COL13A1: variants seen among roughly 807,000 people sequenced by gnomAD.
COL13A1 encodes collagen type XIII alpha 1 chain, also known as collagen alpha-1(XIII) chain.
A neutral mutation model predicts 130.9 loss-of-function variants in COL13A1; 89 were observed. That is an observed-to-expected ratio of 0.68 (90% CI 0.57 to 0.81). The LOEUF is 0.81. Among genes scored for constraint, COL13A1 ranks in the 30% least tolerant of loss-of-function variants. COL13A1 has a pLI of 0.00. For synonymous variants in COL13A1, 402 were observed against 341.6 expected (o/e 1.18, Z -1.95); for missense variants, 879 against 934.6 (o/e 0.94, Z 0.78).
At chr10:69,809,462 G>A (rs1842406107) in intron 1 of COL13A1, among the ~76,000 whole-genome samples, 1 of 152,192 alleles carries the variant, frequency 6.6e-6, no homozygotes, top group Admixed American at 6.5e-5. Context: ...CTATGAAGTG[G>A]TTACTATTGT....
At chr10:69,905,061 A>ATCCC in intron 16 of COL13A1, 102 bp downstream of exon 16, 4 of 1,308,700 alleles carry the variant, frequency 3.1e-6, no homozygotes, top group Non-Finnish European at 4.2e-6. Context: ...GCAGAGAGGG[A>ATCCC]TCTCAGCTGA....
chr10:69,819,001 C>A (rs1845345928), intron 1 of COL13A1, among the ~76,000 whole-genome samples: 1 of 152,342 alleles, frequency 6.6e-6, no homozygotes, highest in Admixed American at 6.5e-5. Flanking sequence ...TCTACAGTCA[C>A]CTGCACACAT....
rs1333949808 is a variant in COL13A1 at position 69,934,155 on chromosome 10, AATTCTTTTT to A, written c.1729-1182_1729-1174del. 3.9e-5 allele frequency among the ~76,000 whole-genome samples: 6 copies of A among 152,184 alleles called. No individual in the cohort carries two copies. The East Asian group carries it at 5.8e-4, about 15-fold the overall frequency. ...TTTTCTCTTTAAAGAAAATTTTAAA[AATTCTTTTT>A]ATTCTTTTTATTATTTTTAAAATTA... On this transcript the variant is annotated intron_variant, in intron 31 of 40. Transcript: ENST00000645393.
chr10:69,868,125 A>G (rs1430531040), intron 3 of COL13A1, among the ~76,000 whole-genome samples: 10 of 149,330 alleles, frequency 6.7e-5, no homozygotes, highest in African/African-American at 2.4e-4. Flanking sequence ...GAGTCAAAAA[A>G]AAAAAAAAAA....
intron 2 of COL13A1, among the ~76,000 whole-genome samples, chr10:69,832,707 G>A (rs763581455): frequency 1.4e-4 from 21 of 152,192 alleles, no homozygotes; most frequent in Non-Finnish European, 2.8e-4. Flanking sequence ...ACTTGCTGGT[G>A]ATACTTAGTG....
At position 69,880,191 on chromosome 10, in the gene COL13A1, G is replaced by A. The variant is rs370186897; in HGVS notation, c.463-312G>A. Among the ~76,000 whole-genome samples, 11 of 152,120 alleles carry A rather than the reference G, an allele frequency of 7.2e-5. No individual in the cohort carries two copies. The East Asian group carries it at 1.9e-3, about 27-fold the overall frequency. On this transcript the variant is annotated intron_variant, in intron 6 of 40. Coordinates refer to ENST00000645393, the MANE Select transcript of COL13A1 (RefSeq NM_001368882.1). Reference sequence around the variant, plus strand: ...CCCCGGCCTGGGGTCCCACCACCCTGTCTCCCCGGAACCCCATGTCCTGTG... The same window carrying A: ...CCCCGGCCTGGGGTCCCACCACCCTATCTCCCCGGAACCCCATGTCCTGTG...
intron 2 of COL13A1, among the ~76,000 whole-genome samples, chr10:69,862,754 G>T (rs754570914): frequency 6.6e-6 from 1 of 152,176 alleles, no homozygotes; most frequent in Non-Finnish European, 1.5e-5. Context: ...TGATGCATGT[G>T]TTCTGCAGCC....
chr10:69,887,452 T>TC lies in COL13A1; in HGVS notation c.514-3dup, dbSNP rs113746607. ...TCATGTGTCTCTTGTTTTTTTTTTT[T>TC]CAGGGTCAACCAGGAACTAGAGGTT... On this transcript the variant is annotated splice_polypyrimidine_tract_variant and splice_region_variant and intron_variant, in intron 7 of 40. Coordinates refer to ENST00000645393, the MANE Select transcript of COL13A1 (RefSeq NM_001368882.1). The TC allele has an allele frequency of 6.2e-6, 10 of 1,612,076 alleles. No homozygotes were observed. The highest frequency in any genetic ancestry group is 2.7e-5 in the African/African-American group (2 of 74,566).
At chr10:69,840,319 C>G (rs1167282985) in intron 2 of COL13A1, among the ~76,000 whole-genome samples, 1 of 152,114 alleles carries the variant, frequency 6.6e-6, no homozygotes, top group South Asian at 2.1e-4. Flanking sequence ...CCCGGTGACT[C>G]GGTGACTCGG....
chr10:69,912,285 A>G (rs1049409575), intron 17 of COL13A1, among the ~76,000 whole-genome samples: 2 of 152,122 alleles, frequency 1.3e-5, no homozygotes, highest in Non-Finnish European at 2.9e-5. Context: ...CTGGCCTTCA[A>G]TGGGGCACCC....
At chr10:69,932,525 G>T in intron 30 of COL13A1, 35 bp from the exon 31 acceptor site, 2 of 1,569,826 alleles carry the variant, frequency 1.3e-6, no homozygotes, top group Non-Finnish European at 1.8e-6. Flanking sequence ...TTTCACAAGG[G>T]CTGGCATTCA....
In COL13A1 at chr10:69,937,702, C is replaced by T; in HGVS notation, c.1865C>T (p.Pro622Leu). 1 of 1,538,970 alleles carries T rather than the reference C, an allele frequency of 6.5e-7. No individual in the cohort carries two copies. The highest frequency in any genetic ancestry group is 9.0e-7 in the Non-Finnish European group (1 of 1,111,454). Residue 622 changes from proline (P) to leucine (L), a missense_variant, in exon 34 of 41, where the codon CCC becomes CTC. Pro to Leu is a moderately conservative substitution (Grantham distance 98, BLOSUM62 -3). This residue lies in a region of COL13A1 where 96 missense variants were observed against 147.7 expected (regional missense o/e 0.65). Transcript: ENST00000645393. ...CAGGGAGAAAAAGGAGACCGTGGTC[C>T]CCTGGGACTACCCGTAAGTACCTTG... The part of the protein sequence containing the change: ...GFQGEKGDRG[P>L]LGLPGASGLD...
At chr10:69,932,088 C>T (rs1456252243) in intron 30 of COL13A1, among the ~76,000 whole-genome samples, 2 of 151,698 alleles carry the variant, frequency 1.3e-5, no homozygotes, top group Non-Finnish European at 2.9e-5. Context: ...ATTATAGCAA[C>T]TGGCATCTTC....
At chr10:69,932,433 C>T (rs899460619) in intron 30 of COL13A1, 127 bp from the exon 31 acceptor site, 2 of 659,724 alleles carry the variant, frequency 3.0e-6, no homozygotes, top group Non-Finnish European at 2.8e-6. Flanking sequence ...TCCACATCCT[C>T]CATGGTGTTC....
chr10:69,853,691 G>C (rs185908463), intron 2 of COL13A1, among the ~76,000 whole-genome samples: 108 of 152,280 alleles, frequency 7.1e-4, no homozygotes, highest in African/African-American at 2.4e-3. Flanking sequence ...CCAACTCAAA[G>C]ATAAATCACG....
intron 27 of COL13A1, 140 bp downstream of exon 27, chr10:69,927,250 G>T: frequency 7.3e-7 from 1 of 1,366,566 alleles, no homozygotes; most frequent in South Asian, 1.2e-5. Context: ...CAGGGCTGGG[G>T]CAGATGATGA....
At chr10:69,915,540 G>C (rs549333964) in intron 17 of COL13A1, among the ~76,000 whole-genome samples, 7 of 152,216 alleles carry the variant, frequency 4.6e-5, no homozygotes, top group Admixed American at 4.6e-4. Flanking sequence ...GATTACAAAC[G>C]CTAAGTGGTC....
chr10:69,888,507 C>T (rs1273812582), intron 9 of COL13A1, among the ~76,000 whole-genome samples, 177 bp downstream of exon 9: 5 of 152,188 alleles, frequency 3.3e-5, no homozygotes, highest in African/African-American at 1.2e-4. Context: ...ACCCCAGTGG[C>T]CTTCCCCAGG....
At chr10:69,818,785 T>A (rs920207933) in intron 1 of COL13A1, among the ~76,000 whole-genome samples, 9 of 152,256 alleles carry the variant, frequency 5.9e-5, no homozygotes, top group Non-Finnish European at 1.3e-4. Flanking sequence ...TACCTTGTTC[T>A]ACTCAGGCCC....
Sources: gnomAD v4.1 joint callset for allele counts (sites outside exome capture counted in the v4.1 genomes callset) on GRCh38, gnomAD v4.1.1 for gene constraint, gnomAD v4.1.1 regional missense constraint, MANE v1.5 for transcripts, NCBI Gene and HGNC (gene_info 2026-07-23, HGNC 2026-07-21) for gene names.